Variants in MSN observed in about 807,000 individuals in gnomAD.
MSN encodes epididymis luminal protein 70.
In MSN, 2 loss-of-function variants were observed where a neutral mutation model predicts 48.0. That is an observed-to-expected ratio of 0.04 (90% CI 0.02 to 0.13). MSN has a LOEUF of 0.13. MSN is among the 10% of genes least tolerant of loss of function. The pLI is 1.00. For synonymous variants in MSN, 146 were observed against 166.9 expected, an observed-to-expected ratio of 0.87 and a Z score of 0.97; for missense variants, 267 against 470.1, an observed-to-expected ratio of 0.57 and a Z score of 3.99.
chrX:65,591,756 G>A (rs965163825), intron 1 of MSN, among the ~76,000 whole-genome samples: 15 of 111,183 alleles, frequency 1.3e-4, no homozygotes, highest in African/African-American at 2.9e-4. Flanking sequence ...TCTTAACCCC[G>A]GAGTGACCAG....
chrX:65,594,705 T>C (rs1003708731), intron 1 of MSN, among the ~76,000 whole-genome samples: 3 of 111,347 alleles, frequency 2.7e-5, no homozygotes, highest in African/African-American at 9.8e-5. Flanking sequence ...GTTTCTACAG[T>C]GAATCAGGAG....
chrX:65,608,807 C>T (rs1030459456), intron 1 of MSN, among the ~76,000 whole-genome samples: 1 of 110,743 alleles, frequency 9.0e-6, no homozygotes, highest in Non-Finnish European at 1.9e-5. Flanking sequence ...AGGATAAGCC[C>T]CACCCACATA....
At chrX:65,727,989 G>C in intron 3 of MSN, 80 bp downstream of exon 3, 1 of 879,936 alleles carries the variant, frequency 1.1e-6, no homozygotes, top group Non-Finnish European at 1.6e-6. Flanking sequence ...GTGCTAGTTG[G>C]CAAATCCTGG....
intron 1 of MSN, among the ~76,000 whole-genome samples, chrX:65,695,699 A>G (rs2071229615): frequency 9.1e-6 from 1 of 109,692 alleles, no homozygotes; most frequent in South Asian, 3.9e-4. Context: ...ACATTAGTCT[A>G]TCTTGCCTGG....
chrX:65,698,406 G>A (rs2071268644), intron 1 of MSN, among the ~76,000 whole-genome samples: 1 of 112,071 alleles, frequency 8.9e-6, no homozygotes, highest in African/African-American at 3.3e-5. Context: ...GTGGCTTCAG[G>A]CCACTTTTGC....
chrX:65,605,883 C>T (rs986208846), intron 1 of MSN, among the ~76,000 whole-genome samples: 2 of 111,618 alleles, frequency 1.8e-5, no homozygotes, highest in African/African-American at 6.5e-5. Context: ...ACTCTCACAG[C>T]ATCCCGTCAT....
intron 1 of MSN, among the ~76,000 whole-genome samples, chrX:65,706,603 G>A (rs1214110893): frequency 8.9e-6 from 1 of 112,177 alleles, no homozygotes; most frequent in Non-Finnish European, 1.9e-5. Context: ...ATGCCAGAAT[G>A]TTTGAGTCTT....
At chrX:65,656,750 A>G (rs1406422295) in intron 1 of MSN, among the ~76,000 whole-genome samples, 1 of 111,444 alleles carries the variant, frequency 9.0e-6, no homozygotes, top group Non-Finnish European at 1.9e-5. Flanking sequence ...AGGAAAGACC[A>G]AGGGAGGGCT....
intron 1 of MSN, among the ~76,000 whole-genome samples, chrX:65,604,051 C>T (rs1156982600): frequency 8.9e-6 from 1 of 112,325 alleles, no homozygotes; most frequent in Non-Finnish European, 1.9e-5. Flanking sequence ...TCATTTGATT[C>T]TTACAACAAC....
chrX:65,740,671 T>C lies in MSN; in HGVS notation c.*778T>C, dbSNP rs1478882310. On this transcript the variant is annotated 3_prime_UTR_variant, in exon 13 of 13. Coordinates refer to ENST00000360270, the MANE Select transcript of MSN (RefSeq NM_002444.3). ...TGTAGGAGTATAGGCCGGTCTAAAG[T>C]GAGCTCTATGGGCAGATCTACCCCT... 1 of 171,679 alleles carries C rather than the reference T, an allele frequency of 5.8e-6. No homozygotes were observed. Among genetic ancestry groups the C allele is most frequent in the African/African-American group, 3.0e-5 (1 of 33,423 alleles). 14.1% of individuals were successfully genotyped at this position (171,679 alleles called of 1,213,427 possible).
chrX:65,687,427 A>G (rs765267197), intron 1 of MSN, among the ~76,000 whole-genome samples: 8 of 112,154 alleles, frequency 7.1e-5, no homozygotes, highest in Non-Finnish European at 1.5e-4. Context: ...GTTCTAAATA[A>G]TGTGAGCTCA....
intron 1 of MSN, among the ~76,000 whole-genome samples, chrX:65,637,171 G>A (rs1007845259): frequency 9.1e-6 from 1 of 110,414 alleles, no homozygotes; most frequent in Admixed American, 9.7e-5. Context: ...GGGAAGCCAA[G>A]GCAGGCGGAT....
At chrX:65,670,381 C>T (rs2070919535) in intron 1 of MSN, among the ~76,000 whole-genome samples, 1 of 111,635 alleles carries the variant, frequency 9.0e-6, no homozygotes, top group Admixed American at 9.6e-5. Flanking sequence ...GTCGGTTTCA[C>T]TTTTATAGCT....
chrX:65,608,907 G>T (rs1487461698), intron 1 of MSN, among the ~76,000 whole-genome samples: 3 of 110,589 alleles, frequency 2.7e-5, no homozygotes, highest in African/African-American at 9.8e-5. Flanking sequence ...CATGATTCTG[G>T]TTGTGAAGTG....
intron 1 of MSN, among the ~76,000 whole-genome samples, chrX:65,612,073 G>C (rs1412941965): frequency 8.9e-6 from 1 of 112,051 alleles, no homozygotes; most frequent in Non-Finnish European, 1.9e-5. Flanking sequence ...GTTTGAATGT[G>C]TCCCTCCAAA....
chrX:65,682,994 C>G (rs374821857), intron 1 of MSN, among the ~76,000 whole-genome samples: 1 of 111,870 alleles, frequency 8.9e-6, no homozygotes, highest in South Asian at 3.7e-4. Flanking sequence ...CTCCCTTTTC[C>G]CATATCTTCA....
intron 2 of MSN, 137 bp from the exon 3 acceptor site, chrX:65,727,677 A>G: frequency 4.3e-6 from 2 of 460,409 alleles, no homozygotes; most frequent in Non-Finnish European, 7.5e-6. Context: ...CTGCTCAAGT[A>G]TATTTTCTTG....
chrX:65,628,111 C>T (rs946958023), intron 1 of MSN, among the ~76,000 whole-genome samples: 3 of 112,472 alleles, frequency 2.7e-5, no homozygotes, highest in Admixed American at 1.9e-4. Flanking sequence ...GTGGCTTTTC[C>T]AGGTGCACAA....
chrX:65,613,971 C>T (rs1438652516), intron 1 of MSN, among the ~76,000 whole-genome samples: 3 of 111,560 alleles, frequency 2.7e-5, no homozygotes, highest in Non-Finnish European at 3.8e-5. Context: ...AATGGTATTG[C>T]CTAGGTTTTC....
Sources: allele counts gnomAD v4.1 joint callset (sites outside exome capture counted in the v4.1 genomes callset), GRCh38; gene constraint gnomAD v4.1.1; transcripts MANE v1.5; gene names NCBI Gene and HGNC (gene_info 2026-07-23, HGNC 2026-07-21).